PRKCH: variants seen among roughly 807,000 people sequenced by gnomAD.
PRKCH encodes the protein protein kinase C eta type.
In PRKCH, 28 loss-of-function variants were observed where a neutral mutation model predicts 82.5. The observed-to-expected ratio is 0.34, with a 90% CI of 0.25 to 0.47. PRKCH has a LOEUF of 0.47. Among genes scored for constraint, PRKCH ranks in the 20% least tolerant of loss-of-function variants. The pLI, the probability that PRKCH is intolerant of heterozygous loss-of-function variation, is 1.00. For missense variants in PRKCH, 705 were observed against 881.8 expected (o/e 0.80, Z 2.54); for synonymous variants, 322 against 327.4 (o/e 0.98, Z 0.18).
At chr14:61,232,096 C>T (rs565015933) in intron 1 of PRKCH, among the ~76,000 whole-genome samples, 6 of 152,340 alleles carry the variant, frequency 3.9e-5, no homozygotes, top group African/African-American at 9.6e-5. Context: ...CAGGTTGTTT[C>T]GCTTTTGCTT....
At chr14:61,357,545 T>A (rs1475636542) in intron 1 of PRKCH, among the ~76,000 whole-genome samples, 1 of 152,234 alleles carries the variant, frequency 6.6e-6, no homozygotes, top group Non-Finnish European at 1.5e-5. Flanking sequence ...AATGTGTTAC[T>A]GTCTCTTTCT....
intron 12 of PRKCH, among the ~76,000 whole-genome samples, chr14:61,533,263 A>G (rs920180449): frequency 2.6e-5 from 4 of 152,144 alleles, no homozygotes; most frequent in African/African-American, 9.7e-5. Flanking sequence ...AATTTTCTTA[A>G]AAACACTTAA....
chr14:61,346,610 C>T (rs1273360233), intron 1 of PRKCH, among the ~76,000 whole-genome samples: 2 of 152,160 alleles, frequency 1.3e-5, no homozygotes, highest in East Asian at 3.8e-4. Flanking sequence ...AGATAGTTTC[C>T]CTGCCCTCAA....
At chr14:61,530,898 C>T (rs1352724042) in intron 12 of PRKCH, among the ~76,000 whole-genome samples, 2 of 152,188 alleles carry the variant, frequency 1.3e-5, no homozygotes, top group African/African-American at 4.8e-5. Flanking sequence ...GGTGATGTTT[C>T]CCCTTCATAC....
chr14:61,364,662 C>G (rs1305060705), intron 1 of PRKCH, among the ~76,000 whole-genome samples: 1 of 151,784 alleles, frequency 6.6e-6, no homozygotes, highest in Non-Finnish European at 1.5e-5. Flanking sequence ...CATGGTGAAA[C>G]CCCATCTCTA....
chr14:61,320,451 T>C (rs1039354214), upstream of PRKCH, among the ~76,000 whole-genome samples: 8 of 151,896 alleles, frequency 5.3e-5, no homozygotes, highest in East Asian at 9.7e-4. Flanking sequence ...AATACAAAAT[T>C]AGCCGGGCGT....
Position 61,264,963 on chromosome 14 carries a change from G to A in PRKCH, c.-19+77295G>A, listed in dbSNP as rs111449724. ...TGTTGGGCTGGGATTGAAGTAGGAA[G>A]ATGTTTAAGATCACTAGAGCCACCC... On this transcript the variant is annotated intron_variant, in intron 1 of 3. Transcript: ENST00000555185. Among the ~76,000 whole-genome samples the A allele has an allele frequency of 2.6e-3, 393 of 152,258 alleles. 1 individual carries two copies. The highest frequency in any genetic ancestry group is 8.2e-3 in the African/African-American group (341 of 41,530).
chr14:61,515,022 A>G (rs915579815), intron 10 of PRKCH, among the ~76,000 whole-genome samples: 23 of 152,222 alleles, frequency 1.5e-4, no homozygotes, highest in Non-Finnish European at 1.5e-5. Context: ...GACATGTCAA[A>G]AAGATTCCTT....
chr14:61,197,999 C>T (rs986022746), intron 1 of PRKCH, among the ~76,000 whole-genome samples: 4 of 152,020 alleles, frequency 2.6e-5, no homozygotes, highest in African/African-American at 7.3e-5. Flanking sequence ...ACTGGAATCC[C>T]GTGAGGTTTA....
At chr14:61,533,877 A>C (rs1225943244) in intron 12 of PRKCH, among the ~76,000 whole-genome samples, 1 of 152,198 alleles carries the variant, frequency 6.6e-6, no homozygotes, top group Non-Finnish European at 1.5e-5. Context: ...TCATATTAGG[A>C]GGAGGGTTCG....
At chr14:61,208,646 C>A (rs540823605) in intron 1 of PRKCH, among the ~76,000 whole-genome samples, 2 of 152,194 alleles carry the variant, frequency 1.3e-5, no homozygotes, top group African/African-American at 4.8e-5. Context: ...CGTCTTTAAG[C>A]GAACCAGGCA....
chr14:61,371,718 A>C (rs892209318), intron 1 of PRKCH, among the ~76,000 whole-genome samples: 10 of 152,064 alleles, frequency 6.6e-5, no homozygotes, highest in Non-Finnish European at 1.5e-4. Flanking sequence ...TATGTTTGTC[A>C]GATTTCTCAC....
chr14:61,239,390 G>C (rs2140064960), intron 1 of PRKCH, among the ~76,000 whole-genome samples: 1 of 152,294 alleles, frequency 6.6e-6, no homozygotes, highest in Non-Finnish European at 1.5e-5. Context: ...GGTGGGCTGA[G>C]GCCTAAAATG....
chr14:61,201,116 T>C (rs1172327192), intron 1 of PRKCH, among the ~76,000 whole-genome samples: 2 of 152,218 alleles, frequency 1.3e-5, no homozygotes, highest in Non-Finnish European at 2.9e-5. Flanking sequence ...CTTAGCGTGA[T>C]GCAAGTTTGA....
At chr14:61,291,505 T>G (rs1475632155) in intron 1 of PRKCH, among the ~76,000 whole-genome samples, 2 of 152,058 alleles carry the variant, frequency 1.3e-5, no homozygotes, top group Admixed American at 6.6e-5. Context: ...AATTTTTGTA[T>G]TTTTAGTAGA....
At chr14:61,532,439 G>A (rs983372321) in intron 12 of PRKCH, among the ~76,000 whole-genome samples, 9 of 152,144 alleles carry the variant, frequency 5.9e-5, no homozygotes, top group African/African-American at 2.2e-4. Flanking sequence ...AGGTCTAGTA[G>A]AAATCTTAAG....
intron 9 of PRKCH, among the ~76,000 whole-genome samples, chr14:61,458,032 T>C (rs1159201935): frequency 6.6e-6 from 1 of 152,218 alleles, no homozygotes; most frequent in Non-Finnish European, 1.5e-5. Context: ...TCTTGATGAA[T>C]TTGGCTGTGA....
At chr14:61,459,452 C>G (rs1181652256) in intron 9 of PRKCH, among the ~76,000 whole-genome samples, 1 of 152,196 alleles carries the variant, frequency 6.6e-6, no homozygotes, top group Non-Finnish European at 1.5e-5. Flanking sequence ...TCAGCACACA[C>G]AGCATATCGA....
intron 10 of PRKCH, among the ~76,000 whole-genome samples, chr14:61,500,086 A>G (rs187243324): frequency 1.2e-4 from 18 of 150,366 alleles, no homozygotes; most frequent in Admixed American, 9.3e-4. Flanking sequence ...AGATACTTGG[A>G]TCAATATCCG....
Sources: allele counts gnomAD v4.1 joint callset (sites outside exome capture counted in the v4.1 genomes callset), GRCh38; gene constraint gnomAD v4.1.1; transcripts MANE v1.5; gene names NCBI Gene and HGNC (gene_info 2026-07-23, HGNC 2026-07-21).